FAT3: variants seen among roughly 807,000 people sequenced by gnomAD.
FAT3 encodes protocadherin Fat 3.
FAT3 carries 95 observed loss-of-function variants against 310.2 expected under a neutral mutation model. The ratio of observed to expected loss-of-function variants is 0.31; its 90% CI spans 0.26 to 0.36. The LOEUF is 0.36. Among genes scored for constraint, FAT3 ranks in the 10% least tolerant of loss-of-function variants. The pLI, the probability that FAT3 is intolerant of heterozygous loss-of-function variation, is 1.00. For synonymous variants in FAT3, 2,314 were observed against 2,192.9 expected (o/e 1.06, Z -1.54); for missense variants, 5,408 against 5,715.6 (o/e 0.95, Z 1.74).
At chr11:92,591,314 A>G (rs1318548301) in intron 3 of FAT3, among the ~76,000 whole-genome samples, 2 of 152,126 alleles carry the variant, frequency 1.3e-5, no homozygotes, top group African/African-American at 4.8e-5. Context: ...GGGTCCCTGC[A>G]TCTGCCACAA....
intron 4 of FAT3, among the ~76,000 whole-genome samples, chr11:92,749,800 CACA>C (rs1286347661): frequency 6.6e-6 from 1 of 152,092 alleles, no homozygotes; most frequent in Middle Eastern, 3.2e-3. Context: ...TTTCAACAGC[CACA>C]ACATTAAATT....
intron 3 of FAT3, among the ~76,000 whole-genome samples, chr11:92,581,977 A>G (rs1228121506): frequency 6.6e-6 from 1 of 152,080 alleles, no homozygotes; most frequent in African/African-American, 2.4e-5. Flanking sequence ...TAGACAGAGC[A>G]GCCCTAAGGG....
At chr11:92,660,357 G>A (rs1942739066) in intron 3 of FAT3, among the ~76,000 whole-genome samples, 1 of 152,130 alleles carries the variant, frequency 6.6e-6, no homozygotes, top group South Asian at 2.1e-4. Context: ...CCCAACAGAA[G>A]GATGACACCA....
intron 9 of FAT3, among the ~76,000 whole-genome samples, chr11:92,793,936 TA>T (rs775050297): frequency 0.01 from 1,501 of 145,734 alleles, 15 homozygotes; most frequent in Non-Finnish European, 0.015. Flanking sequence ...AACAACCTTC[TA>T]AAAAAAAAAA....
intron 3 of FAT3, among the ~76,000 whole-genome samples, chr11:92,644,413 T>A (rs1294591720): frequency 6.6e-6 from 1 of 152,174 alleles, no homozygotes; most frequent in Non-Finnish European, 1.5e-5. Flanking sequence ...CACTGGGTGA[T>A]GCTGAGGAAG....
At position 92,431,037 on chromosome 11, in the gene FAT3, T is replaced by G. The variant is rs377378347; in HGVS notation, c.3292+75633T>G. 1.8e-4 allele frequency among the ~76,000 whole-genome samples: 27 copies of G among 152,288 alleles called. 1 individual carries two copies. The highest frequency in any genetic ancestry group is 1.2e-3 in the East Asian group (6 of 5,164). ...TTGGGTATATACCCAGTAATGGGAT[T>G]GCTGGGTCAAATGTTATTTCTAGTT... On this transcript the variant is annotated intron_variant, in intron 2 of 27. Transcript: ENST00000525166.
At chr11:92,656,086 G>A (rs755588899) in intron 3 of FAT3, among the ~76,000 whole-genome samples, 1 of 152,132 alleles carries the variant, frequency 6.6e-6, no homozygotes, top group South Asian at 2.1e-4. Context: ...GAGTTTTGGG[G>A]TTATGAGCCC....
At chr11:92,262,288 C>T (rs1001286018) in intron 1 of FAT3, among the ~76,000 whole-genome samples, 15 of 152,214 alleles carry the variant, frequency 9.9e-5, no homozygotes, top group Admixed American at 2.6e-4. Context: ...CTCATCTTTC[C>T]TTCTCATATG....
chr11:92,507,478 G>T (rs146422111), intron 2 of FAT3, among the ~76,000 whole-genome samples: 34 of 151,232 alleles, frequency 2.2e-4, no homozygotes, highest in African/African-American at 6.1e-4. Flanking sequence ...TATGTGTGGG[G>T]GTGTGTGTAT....
chr11:92,686,621 G>T (rs1283366247), intron 3 of FAT3, among the ~76,000 whole-genome samples: 1 of 151,990 alleles, frequency 6.6e-6, no homozygotes, highest in African/African-American at 2.4e-5. Context: ...AAATATGTGG[G>T]TTTTTTTAAA....
At chr11:92,384,152 A>G (rs1314282799) in intron 2 of FAT3, among the ~76,000 whole-genome samples, 1 of 152,130 alleles carries the variant, frequency 6.6e-6, no homozygotes, top group Non-Finnish European at 1.5e-5. Flanking sequence ...GCGGGTGGTC[A>G]TTCACCCTCA....
chr11:92,630,577 C>T (rs969079928), intron 3 of FAT3, among the ~76,000 whole-genome samples: 4 of 152,268 alleles, frequency 2.6e-5, no homozygotes, highest in African/African-American at 9.6e-5. Flanking sequence ...AGTATGTTTT[C>T]CCCCAACGGA....
intron 7 of FAT3, among the ~76,000 whole-genome samples, chr11:92,777,965 C>T (rs1469110132): frequency 6.6e-6 from 1 of 151,964 alleles, no homozygotes; most frequent in Non-Finnish European, 1.5e-5. Context: ...GTTGGATCTT[C>T]CACTTCATCA....
chr11:92,462,908 C>T (rs1426464582), intron 2 of FAT3, among the ~76,000 whole-genome samples: 1 of 152,224 alleles, frequency 6.6e-6, no homozygotes, highest in Non-Finnish European at 1.5e-5. Flanking sequence ...CACTTTCCTG[C>T]AGTCAACTCT....
At chr11:92,336,296 A>T (rs1191547010) in intron 1 of FAT3, 7 of 485,316 alleles carry the variant, frequency 1.4e-5, no homozygotes, top group South Asian at 8.7e-5. Flanking sequence ...GGTTCTTCTC[A>T]TAGAAGTTTT....
intron 2 of FAT3, among the ~76,000 whole-genome samples, chr11:92,444,900 A>G (rs1167738136): frequency 1.3e-5 from 2 of 152,184 alleles, no homozygotes; most frequent in Admixed American, 6.5e-5. Context: ...TGTCATTTTG[A>G]TGGCACACAA....
chr11:92,626,686 A>G (rs482276), intron 3 of FAT3, among the ~76,000 whole-genome samples: 83,250 of 151,904 alleles, frequency 0.55, 23,884 homozygotes, highest in African/African-American at 0.72. Flanking sequence ...TTTTCATGAG[A>G]AACTTGAATA....
chr11:92,869,919 A>AG (rs1286409815), intron 22 of FAT3, among the ~76,000 whole-genome samples: 1 of 152,186 alleles, frequency 6.6e-6, no homozygotes, highest in African/African-American at 2.4e-5. Flanking sequence ...AAGTGTTCAA[A>AG]GGGGAAATTT....
chr11:92,239,633 T>C (rs533802011), intron 1 of FAT3, among the ~76,000 whole-genome samples: 11 of 152,222 alleles, frequency 7.2e-5, no homozygotes, highest in Non-Finnish European at 8.8e-5. Flanking sequence ...GAATGGGCTA[T>C]TATAAGATTC....
Sources: allele counts gnomAD v4.1 joint callset (sites outside exome capture counted in the v4.1 genomes callset), GRCh38; gene constraint gnomAD v4.1.1; transcripts MANE v1.5; gene names NCBI Gene and HGNC (gene_info 2026-07-23, HGNC 2026-07-21).